Variants in SORBS2 observed in about 807,000 individuals in gnomAD.
SORBS2 encodes the protein sorbin and SH3 domain-containing protein 2.
In SORBS2, 46 loss-of-function variants were observed where a neutral mutation model predicts 97.7. The ratio of observed to expected loss-of-function variants is 0.47; its 90% confidence interval spans 0.37 to 0.60. SORBS2 has a LOEUF of 0.60. SORBS2 is among the 20% of genes least tolerant of loss of function. The pLI is 0.00. For missense variants in SORBS2, 1,316 were observed against 1,282.3 expected, an observed-to-expected ratio of 1.03 and a Z score of -0.40; for synonymous variants, 476 against 473.4, an observed-to-expected ratio of 1.01 and a Z score of -0.07.
intron 12 of SORBS2, among the ~76,000 whole-genome samples, chr4:185,604,742 G>C (rs559192131): frequency 1.3e-5 from 2 of 151,908 alleles, no homozygotes; most frequent in Non-Finnish European, 2.9e-5. Context: ...TTAATTTTTC[G>C]CATGGGGGTG....
intron 2 of SORBS2, among the ~76,000 whole-genome samples, chr4:185,698,846 G>A (rs984723900): frequency 6.0e-5 from 9 of 149,744 alleles, no homozygotes; most frequent in Non-Finnish European, 1.2e-4. Context: ...CTTGGTCTAA[G>A]CCTAGACCAA....
chr4:185,922,387 C>T (rs1033558911), intron 1 of SORBS2, among the ~76,000 whole-genome samples: 1 of 152,264 alleles, frequency 6.6e-6, no homozygotes, highest in African/African-American at 2.4e-5. Flanking sequence ...CTGGCTTTGG[C>T]ACTGAGCAAG....
In SORBS2 at chr4:185,653,679, C is replaced by G. The variant is rs574938626; in HGVS notation, c.25-951G>C. The stretch of plus-strand genomic sequence containing the variant: ...CTCAATAAATAATAACACTAGGGAA[C>G]TGCAAATATTTGTAGAATGAAATAA... On this transcript the variant is annotated intron_variant, in intron 1 of 14. Transcript: ENST00000418609. Among the ~76,000 whole-genome samples the G allele has an allele frequency of 5.3e-5, 8 of 152,296 alleles. No homozygotes were observed. In the East Asian group the frequency reaches 1.2e-3, roughly 22 times the overall value.
At chr4:185,616,160 A>G (rs897234043) in intron 9 of SORBS2, among the ~76,000 whole-genome samples, 1 of 152,128 alleles carries the variant, frequency 6.6e-6, no homozygotes, top group Non-Finnish European at 1.5e-5. Flanking sequence ...TCATTTTTTA[A>G]TCTTTTTTTA....
At chr4:185,896,711 AG>A (rs2099245212) in intron 1 of SORBS2, among the ~76,000 whole-genome samples, 1 of 152,070 alleles carries the variant, frequency 6.6e-6, no homozygotes, top group South Asian at 2.1e-4. Flanking sequence ...GATGATTGGC[AG>A]GGGGTGCTCT....
At chr4:185,671,241 C>T (rs1471505687) in intron 4 of SORBS2, among the ~76,000 whole-genome samples, 2 of 152,184 alleles carry the variant, frequency 1.3e-5, no homozygotes, top group African/African-American at 4.8e-5. Context: ...ACACTGACAG[C>T]ATGTGGCATC....
chr4:185,896,508 C>T (rs942888455), intron 1 of SORBS2, among the ~76,000 whole-genome samples: 7 of 152,182 alleles, frequency 4.6e-5, no homozygotes, highest in Admixed American at 6.5e-5. Flanking sequence ...CCCCTGAATC[C>T]GGGAGGCAGA....
At chr4:185,891,913 C>A (rs1038148715) in intron 1 of SORBS2, among the ~76,000 whole-genome samples, 4 of 152,046 alleles carry the variant, frequency 2.6e-5, no homozygotes, top group African/African-American at 4.8e-5. Context: ...TGGCTCACTG[C>A]AACATCCACC....
chr4:185,675,879 T>C (rs2097783149), intron 4 of SORBS2, among the ~76,000 whole-genome samples: 2 of 152,218 alleles, frequency 1.3e-5, no homozygotes, highest in African/African-American at 4.8e-5. Context: ...CAGCTTGTCC[T>C]TTAATCATTT....
At chr4:185,825,084 G>C (rs1323422276) in intron 1 of SORBS2, among the ~76,000 whole-genome samples, 1 of 152,134 alleles carries the variant, frequency 6.6e-6, no homozygotes, top group Non-Finnish European at 1.5e-5. Flanking sequence ...GTATAGGTCA[G>C]GTCCTAGTAG....
intron 1 of SORBS2, among the ~76,000 whole-genome samples, chr4:185,799,750 C>G (rs1004332030): frequency 3.3e-5 from 5 of 152,188 alleles, no homozygotes; most frequent in African/African-American, 7.2e-5. Flanking sequence ...ATGCAGTGCT[C>G]TCATCAACAT....
chr4:185,827,246 C>CCATCATCATCACCATCATCACCATCAT (rs2099201022), intron 1 of SORBS2, among the ~76,000 whole-genome samples: 1 of 7,836 alleles, frequency 1.3e-4, no homozygotes, highest in African/African-American at 4.8e-4. Flanking sequence ...ACCATCACCA[C>CCATCATCATCACCATCATCACCATCAT]CATCATCATC....
At chr4:185,848,168 C>T (rs916403454) in intron 1 of SORBS2, among the ~76,000 whole-genome samples, 19 of 152,044 alleles carry the variant, frequency 1.2e-4, no homozygotes, top group African/African-American at 3.9e-4. Context: ...GAAGGGGATG[C>T]GCGGTGATGA....
At chr4:185,803,785 AAAAAGT>A (rs2099141523) in intron 1 of SORBS2, among the ~76,000 whole-genome samples, 1 of 152,228 alleles carries the variant, frequency 6.6e-6, no homozygotes, top group African/African-American at 2.4e-5. Flanking sequence ...CATATCATAT[AAAAAGT>A]TATGTTTCTA....
chr4:185,681,927 C>T (rs2097874985), intron 2 of SORBS2, among the ~76,000 whole-genome samples: 1 of 152,176 alleles, frequency 6.6e-6, no homozygotes, highest in East Asian at 1.9e-4. Flanking sequence ...TTGACACTAT[C>T]ACTATATTTT....
intron 1 of SORBS2, among the ~76,000 whole-genome samples, chr4:185,952,605 G>A (rs1340949366): frequency 6.6e-6 from 1 of 152,228 alleles, no homozygotes; most frequent in Non-Finnish European, 1.5e-5. Context: ...AATAGGGAGA[G>A]TCTGGAGGGT....
At chr4:185,683,498 A>G (rs942866408) in intron 2 of SORBS2, among the ~76,000 whole-genome samples, 4 of 152,146 alleles carry the variant, frequency 2.6e-5, no homozygotes, top group Admixed American at 6.5e-5. Flanking sequence ...ACTTGCCTTC[A>G]TTCCTGTTTC....
intron 11 of SORBS2, among the ~76,000 whole-genome samples, chr4:185,613,382 G>T (rs971756183): frequency 6.6e-6 from 1 of 152,190 alleles, no homozygotes; most frequent in East Asian, 1.9e-4. Context: ...GGATGCAATC[G>T]CTCACGCCTG....
chr4:185,904,500 TG>T (rs2149841914), intron 1 of SORBS2, among the ~76,000 whole-genome samples: 1 of 152,254 alleles, frequency 6.6e-6, no homozygotes, highest in Admixed American at 6.5e-5. Flanking sequence ...TCCCTGCCTG[TG>T]GTACTTGGCC....
Sources: allele counts gnomAD v4.1 joint callset (sites outside exome capture counted in the v4.1 genomes callset), GRCh38; gene constraint gnomAD v4.1.1; transcripts MANE v1.5; gene names NCBI Gene and HGNC (gene_info 2026-07-23, HGNC 2026-07-21).